SPATA31H1: variants seen among roughly 807,000 people sequenced by gnomAD.
The protein encoded by SPATA31H1 is spermatogenesis-associated protein 31H1.
At chr2:27,581,510 T>G in the SPATA31H1 span, 2 of 1,580,710 alleles carry the variant, frequency 1.3e-6, no homozygotes, top group Non-Finnish European at 1.7e-6. Flanking sequence ...AGAGAAGACA[T>G]CACAGTCCCT....
chr2:27,562,451 TAG>T, the SPATA31H1 span, among the ~76,000 whole-genome samples: 1 of 149,830 alleles, frequency 6.7e-6, no homozygotes, highest in African/African-American at 2.5e-5. Flanking sequence ...GTTGAGGCTG[TAG>T]TGAGCCATGA....
At chr2:27,552,724 A>T in the SPATA31H1 span, among the ~76,000 whole-genome samples, 1 of 151,998 alleles carries the variant, frequency 6.6e-6, no homozygotes, top group Non-Finnish European at 1.5e-5. Context: ...TGAACAAGGG[A>T]TGTCTTTCCA....
chr2:27,568,731 C>T, the SPATA31H1 span: 1 of 398,902 alleles, frequency 2.5e-6, no homozygotes, highest in African/African-American at 2.1e-5. Flanking sequence ...GAAGGTAGCC[C>T]CAGTACTATT....
chr2:27,555,503 C>T, the SPATA31H1 span, among the ~76,000 whole-genome samples: 1 of 151,778 alleles, frequency 6.6e-6, no homozygotes, highest in Non-Finnish European at 1.5e-5. Context: ...AAGATCCCAT[C>T]TCTCCAAAAA....
the SPATA31H1 span, among the ~76,000 whole-genome samples, chr2:27,550,411 A>ATTTTTTTTT: frequency 3.2e-5 from 3 of 94,562 alleles, no homozygotes; most frequent in Admixed American, 1.2e-4. Context: ...TGGGTGTTAA[A>ATTTTTTTTT]TTTTTTTTTT....
chr2:27,582,494 A>AG, the SPATA31H1 span: 5 of 1,611,592 alleles, frequency 3.1e-6, no homozygotes, highest in Non-Finnish European at 4.2e-6. Flanking sequence ...ATCCCAAAGC[A>AG]GGGCAAGTGT....
chr2:27,543,777 C>T, the SPATA31H1 span, among the ~76,000 whole-genome samples: 1 of 151,882 alleles, frequency 6.6e-6, no homozygotes. Flanking sequence ...CACCTGGGCT[C>T]TTAACACCAG....
chr2:27,577,709 C>T, the SPATA31H1 span: 1 of 1,613,906 alleles, frequency 6.2e-7, no homozygotes, highest in Non-Finnish European at 8.5e-7. The surrounding 1 kb of genome is among the most constrained non-coding windows in gnomAD (Gnocchi z 4.5). Flanking sequence ...TGCAATTAAC[C>T]CCCAAACCAC....
At chr2:27,570,057 C>T in the SPATA31H1 span, 1 of 398,946 alleles carries the variant, frequency 2.5e-6, no homozygotes, top group Non-Finnish European at 4.4e-6. Flanking sequence ...AGAATCACAA[C>T]CTCAAGATGT....
chr2:27,580,315 C>A, the SPATA31H1 span: 1 of 1,614,182 alleles, frequency 6.2e-7, no homozygotes, highest in Non-Finnish European at 8.5e-7. Flanking sequence ...AAGACAAAAA[C>A]TAGAGCACCT....
chr2:27,563,886 T>A, the SPATA31H1 span, among the ~76,000 whole-genome samples: 2 of 151,442 alleles, frequency 1.3e-5, no homozygotes, highest in African/African-American at 4.9e-5. Flanking sequence ...TTAAAATTAT[T>A]TTTTATTTTT....
At chr2:27,548,232 G>A in the SPATA31H1 span, among the ~76,000 whole-genome samples, 1 of 151,776 alleles carries the variant, frequency 6.6e-6, no homozygotes, top group Non-Finnish European at 1.5e-5. Context: ...GCCTCCCAAA[G>A]TGCTGGGATT....
the SPATA31H1 span, chr2:27,578,125 G>T: frequency 1.2e-6 from 2 of 1,614,016 alleles, no homozygotes; most frequent in South Asian, 1.1e-5. Flanking sequence ...GTGACCCCTG[G>T]ACCACCATTT....
At chr2:27,573,662 G>A in the SPATA31H1 span, 1,413 of 398,390 alleles carry the variant, frequency 3.5e-3, 13 homozygotes, top group African/African-American at 0.026. Context: ...GGCTTCACTC[G>A]CAAGATGTGA....
the SPATA31H1 span, among the ~76,000 whole-genome samples, chr2:27,542,760 C>A: frequency 6.6e-6 from 1 of 152,008 alleles, no homozygotes; most frequent in East Asian, 1.9e-4. Context: ...GGGTCTCCTA[C>A]TTTTCCAGCC....
the SPATA31H1 span, among the ~76,000 whole-genome samples, chr2:27,551,096 G>A: frequency 6.6e-6 from 1 of 151,764 alleles, no homozygotes; most frequent in Non-Finnish European, 1.5e-5. Context: ...CATCAAGTTG[G>A]ACAGGCTGGT....
chr2:27,582,440 A>C, the SPATA31H1 span: 3 of 1,614,096 alleles, frequency 1.9e-6, no homozygotes, highest in African/African-American at 4.0e-5. Flanking sequence ...GTTTGTCTAG[A>C]GATTTCAAGA....
the SPATA31H1 span, among the ~76,000 whole-genome samples, chr2:27,552,060 C>T: frequency 2.6e-5 from 4 of 151,938 alleles, no homozygotes; most frequent in African/African-American, 4.9e-5. Flanking sequence ...ATGATCCACC[C>T]GCCTTGGCCT....
the SPATA31H1 span, chr2:27,575,487 A>T: frequency 2.5e-6 from 1 of 398,518 alleles, no homozygotes; most frequent in Non-Finnish European, 4.4e-6. The surrounding 1 kb of genome is among the most constrained non-coding windows in gnomAD (Gnocchi z 4.1). Context: ...CCTAGGAACA[A>T]GGCTTCAAGG....
Sources: gnomAD v4.1 joint callset for allele counts (sites outside exome capture counted in the v4.1 genomes callset) on GRCh38, gnomAD v4.1.1 for gene constraint, Gnocchi (gnomAD v3.1) non-coding constraint, MANE v1.5 for transcripts, NCBI Gene and HGNC (gene_info 2026-07-23, HGNC 2026-07-21) for gene names.